YES1: variants seen among roughly 807,000 people sequenced by gnomAD.
YES1 encodes the protein YES proto-oncogene 1, Src family tyrosine kinase.
YES1 carries 39 observed loss-of-function variants against 70.4 expected under a neutral mutation model. The ratio of observed to expected loss-of-function variants is 0.55; its 90% CI spans 0.43 to 0.72. YES1 has a LOEUF of 0.72. Ranked by LOEUF, YES1 falls within the 30% of genes least tolerant of loss-of-function variation. The pLI is 0.00. For synonymous variants in YES1, 198 were observed against 218.6 expected (o/e 0.91, Z 0.83); for missense variants, 495 against 644.8 (o/e 0.77, Z 2.52).
At chr18:761,056 G>A (rs1444736991) in intron 1 of YES1, among the ~76,000 whole-genome samples, 1 of 152,050 alleles carries the variant, frequency 6.6e-6, no homozygotes, top group Non-Finnish European at 1.5e-5. Flanking sequence ...TCCAAGAAAT[G>A]CACATTATAA....
Position 724,362 on chromosome 18 carries a change from G to C in YES1, c.*62C>G. ...AGATTTTCTTCTTTTGATTCCTGTAGAAAATCTACACAAGTTCTTTATATT... is the reference window on the plus strand; with the variant it reads ...AGATTTTCTTCTTTTGATTCCTGTACAAAATCTACACAAGTTCTTTATATT... On this transcript the variant is annotated 3_prime_UTR_variant, in exon 12 of 12. Coordinates refer to ENST00000314574, the MANE Select transcript of YES1 (RefSeq NM_005433.4). The C allele has an allele frequency of 7.0e-7, 1 of 1,435,572 alleles. No individual in the cohort carries two copies. Among genetic ancestry groups the C allele is most frequent in the Non-Finnish European group, 9.6e-7 (1 of 1,039,508 alleles). 88.9% of individuals were successfully genotyped at this position (1,435,572 alleles called of 1,614,324 possible). A position where few individuals can be genotyped will look rare whatever the true frequency, so the allele number is the denominator to read the frequency against.
chr18:788,257 CCTTT>C (rs1451564427), intron 1 of YES1, among the ~76,000 whole-genome samples: 1 of 151,936 alleles, frequency 6.6e-6, no homozygotes, highest in Non-Finnish European at 1.5e-5. Context: ...GTTCATGTTT[CCTTT>C]CTATTTTCAT....
At chr18:737,036 A>G (rs28722141) in intron 9 of YES1, 75 bp from the exon 10 acceptor site, 132,607 of 1,227,182 alleles carry the variant, frequency 0.11, 7,983 homozygotes, top group East Asian at 0.25. Flanking sequence ...TATGGTTAAT[A>G]TCAAATTGTG....
intron 1 of YES1, among the ~76,000 whole-genome samples, chr18:787,077 TGTC>T (rs1299887856): frequency 1.2e-4 from 14 of 113,598 alleles, no homozygotes; most frequent in African/African-American, 3.1e-4. Flanking sequence ...TGATACATAC[TGTC>T]TTTTTTTTTT....
At chr18:735,330 T>A (rs1022254774) in intron 10 of YES1, among the ~76,000 whole-genome samples, 2 of 152,072 alleles carry the variant, frequency 1.3e-5, no homozygotes, top group South Asian at 2.1e-4. Flanking sequence ...TAAAAAGGAA[T>A]GAAATAATGT....
intron 1 of YES1, among the ~76,000 whole-genome samples, chr18:777,249 CTA>C (rs1345015957): frequency 6.6e-6 from 1 of 152,136 alleles, no homozygotes; most frequent in Non-Finnish European, 1.5e-5. Context: ...CTATTTCCTT[CTA>C]TTTAGCACTA....
At chr18:756,033 T>C (rs2080402072) in intron 2 of YES1, among the ~76,000 whole-genome samples, 1 of 152,198 alleles carries the variant, frequency 6.6e-6, no homozygotes, top group Admixed American at 6.5e-5. Context: ...AAATCTGAGC[T>C]CTCCTACTTA....
At position 748,045 on chromosome 18, in the gene YES1, G is replaced by T. The variant is rs183611645; in HGVS notation, c.372-27C>A. On this transcript the variant is annotated intron_variant, in intron 3 of 11. Transcript: ENST00000314574. ...TGCAACACATAAAACAGCAATCACCGCAAGGTAGACTATTGCCCAAGGTAC... is the reference window on the plus strand; with the variant it reads ...TGCAACACATAAAACAGCAATCACCTCAAGGTAGACTATTGCCCAAGGTAC... The T allele has an allele frequency of 1.3e-4, 211 of 1,597,546 alleles. 1 individual carries two copies. The African/African-American group carries it at 2.5e-3, about 19-fold the overall frequency.
At chr18:807,648 T>G (rs747796962) in intron 1 of YES1, among the ~76,000 whole-genome samples, 2 of 152,246 alleles carry the variant, frequency 1.3e-5, no homozygotes, top group Admixed American at 6.5e-5. Flanking sequence ...ATAACGTATT[T>G]GCAACTGTTG....
At chr18:792,971 A>C (rs1906346126) in intron 1 of YES1, among the ~76,000 whole-genome samples, 1 of 151,974 alleles carries the variant, frequency 6.6e-6, no homozygotes, top group Non-Finnish European at 1.5e-5. Flanking sequence ...GTTCAAGTCA[A>C]CTTTGGCATC....
At chr18:782,081 C>T (rs2145798637) in intron 1 of YES1, among the ~76,000 whole-genome samples, 1 of 152,200 alleles carries the variant, frequency 6.6e-6, no homozygotes, top group Admixed American at 6.5e-5. Flanking sequence ...ATTTTCTCTC[C>T]TCTCCCCAAC....
At chr18:804,504 G>A (rs557902148) in intron 1 of YES1, among the ~76,000 whole-genome samples, 3 of 151,104 alleles carry the variant, frequency 2.0e-5, no homozygotes, top group African/African-American at 7.3e-5. Flanking sequence ...AGCTACTGAG[G>A]AGGCTGAGGC....
At chr18:751,906 T>G (rs1181620111) in intron 2 of YES1, 102 bp from the exon 3 acceptor site, 2 of 759,966 alleles carry the variant, frequency 2.6e-6, no homozygotes, top group African/African-American at 3.5e-5. Flanking sequence ...TAAGGATAGT[T>G]TTTTCTGTAG....
rs1340454570 is a variant in YES1 at position 723,015 on chromosome 18, C to T, written c.*1409G>A. The stretch of plus-strand genomic sequence containing the variant: ...GCTGAGGCAGGAGAATGGTGTGAAC[C>T]TGGGAGGCAGAGCTTGCAGTGAGCC... On this transcript the variant is annotated 3_prime_UTR_variant, in exon 12 of 12. Coordinates refer to ENST00000314574, the MANE Select transcript of YES1 (RefSeq NM_005433.4). 4 of 152,112 alleles carry T rather than the reference C, an allele frequency of 2.6e-5. No homozygotes were observed. The highest frequency in any genetic ancestry group is 5.9e-5 in the Non-Finnish European group (4 of 68,028). The allele number at this position is 152,112 out of a possible 1,614,324, so 9.4% of individuals were successfully genotyped here. A position where few individuals can be genotyped will look rare whatever the true frequency, so the allele number is the denominator to read the frequency against.
intron 9 of YES1, 122 bp from the exon 10 acceptor site, chr18:737,083 G>T (rs9646493): frequency 0.053 from 42,937 of 805,542 alleles, 1,344 homozygotes; most frequent in Non-Finnish European, 0.066. Flanking sequence ...GGAGATGATG[G>T]TAACAGGGTA....
chr18:746,155 T>A (rs966569121), intron 4 of YES1, 104 bp from the exon 5 acceptor site: 1 of 761,228 alleles, frequency 1.3e-6, no homozygotes, highest in African/African-American at 1.8e-5. Flanking sequence ...CGACAAAGAA[T>A]AGCTAGAGAA....
chr18:747,890 T>C lies in YES1; in HGVS notation c.470+30A>G, dbSNP rs570879298. ...CATTAAAACATTTCAAAAATCAAAA[T>C]AATTAATAAAATATGAAGTAGTGCC... On this transcript the variant is annotated intron_variant, in intron 4 of 11. Transcript: ENST00000314574. 2.5e-5 allele frequency: 40 copies of C among 1,598,196 alleles called. No homozygotes were observed. The Admixed American group carries it at 6.6e-4, about 26-fold the overall frequency.
At chr18:759,428 T>C (rs889303918) in intron 1 of YES1, among the ~76,000 whole-genome samples, 5 of 152,182 alleles carry the variant, frequency 3.3e-5, no homozygotes, top group South Asian at 2.1e-4. Flanking sequence ...GATTGTGCCA[T>C]TGCACTCCAG....
intron 6 of YES1, among the ~76,000 whole-genome samples, chr18:745,314 G>A (rs1210269168): frequency 1.3e-5 from 2 of 152,148 alleles, no homozygotes; most frequent in African/African-American, 2.4e-5. Flanking sequence ...CTTTAGGAAA[G>A]CTTATGCGAT....
Sources: allele counts gnomAD v4.1 joint callset (sites outside exome capture counted in the v4.1 genomes callset), GRCh38; gene constraint gnomAD v4.1.1; transcripts MANE v1.5; gene names NCBI Gene and HGNC (gene_info 2026-07-23, HGNC 2026-07-21).